Variants in MYH9 observed in about 807,000 individuals in gnomAD.
MYH9 encodes the protein myosin heavy chain 9.
Under a neutral mutation model 241.9 loss-of-function variants are expected in MYH9, and 29 were observed. That is an observed-to-expected ratio of 0.12 (90% CI 0.09 to 0.16). The LOEUF (loss-of-function observed/expected upper bound fraction) is 0.16, where lower values mean the gene tolerates loss of function less well. Among genes scored for constraint, MYH9 ranks in the 10% least tolerant of loss-of-function variants. The pLI is 1.00. For synonymous variants in MYH9, 1,047 were observed against 1,062.6 expected (o/e 0.99, Z 0.29); for missense variants, 1,803 against 2,595.5 (o/e 0.69, Z 6.63).
At chr22:36,315,884 A>T (rs990009645) in intron 12 of MYH9, among the ~76,000 whole-genome samples, 3 of 148,046 alleles carry the variant, frequency 2.0e-5, no homozygotes, top group Non-Finnish European at 4.5e-5. Flanking sequence ...CAAAAAATTT[A>T]AAAATTAGCT....
chr22:36,318,920 T>C (rs530057257), intron 10 of MYH9, among the ~76,000 whole-genome samples: 18 of 152,094 alleles, frequency 1.2e-4, no homozygotes, highest in Admixed American at 3.3e-4. Context: ...CACGCCACCA[T>C]GCCCGGCTAA....
At position 36,330,227 on chromosome 22, in the gene MYH9, G is replaced by C. The variant is rs901791099; in HGVS notation, c.491-2739C>G. ...CCTAACCATACCTTAAAGAAATCTG[G>C]ATTTGTTCTGCCAGGAACATTCATC... On this transcript the variant is annotated intron_variant, in intron 3 of 40. Coordinates refer to ENST00000216181, the MANE Select transcript of MYH9 (RefSeq NM_002473.6). This position sits in a 1 kb window ranked among gnomAD's most constrained non-coding sequence, Gnocchi z 4.5. Among the ~76,000 whole-genome samples the C allele has an allele frequency of 2.0e-5, 3 of 152,206 alleles. No homozygotes were observed. Among genetic ancestry groups the C allele is most frequent in the African/African-American group, 7.2e-5 (3 of 41,456 alleles).
chr22:36,299,454 C>A (rs887139230), intron 23 of MYH9, among the ~76,000 whole-genome samples: 2 of 152,212 alleles, frequency 1.3e-5, no homozygotes, highest in Non-Finnish European at 1.5e-5. Flanking sequence ...CCTCTTCAGC[C>A]CCGCGGTGCC....
intron 13 of MYH9, 62 bp downstream of exon 13, chr22:36,314,083 C>A (rs2017111528): frequency 1.9e-6 from 3 of 1,555,066 alleles, no homozygotes; most frequent in African/African-American, 2.7e-5. Flanking sequence ...AGGTGAGGAG[C>A]GGGTGCCCCG....
At position 36,327,310 on chromosome 22, in the gene MYH9, C is replaced by G. The variant is rs75167295; in HGVS notation, c.518+151G>C. 4.7e-3 allele frequency: 4,017 copies of G among 845,848 alleles called. 22 individuals carry two copies. Among genetic ancestry groups the G allele is most frequent in the Non-Finnish European group, 5.7e-3 (2,899 of 510,966 alleles). The allele number at this position is 845,848 out of a possible 1,614,324, so 52.4% of individuals were successfully genotyped here. ...GACCACTGAGTAGCAAACACACAAA[C>G]TGAAGTCCTATCCCTTGGAGAAGTG... On this transcript the variant is annotated intron_variant, in intron 4 of 40. Coordinates refer to ENST00000216181, the MANE Select transcript of MYH9 (RefSeq NM_002473.6).
chr22:36,341,620 C>G, intron 2 of MYH9, 94 bp from the exon 3 acceptor site: 2 of 1,438,162 alleles, frequency 1.4e-6, no homozygotes, highest in Non-Finnish European at 1.9e-6. Flanking sequence ...CTTCAAAGGA[C>G]CCCTGAGTCA....
chr22:36,337,001 C>A (rs944371978), intron 3 of MYH9, among the ~76,000 whole-genome samples: 1 of 152,260 alleles, frequency 6.6e-6, no homozygotes. Context: ...GTGCCCACGG[C>A]AGACAGCACT....
At chr22:36,308,742 A>G (rs941131394) in intron 15 of MYH9, 12 of 897,440 alleles carry the variant, frequency 1.3e-5, no homozygotes, top group Non-Finnish European at 1.6e-5. Context: ...ACCTAGGCAG[A>G]AGCATTTCTT....
In MYH9 at chr22:36,282,416, C is replaced by G. The variant is rs1319846176; in HGVS notation, c.*252G>C. The G allele has an allele frequency of 4.9e-6, 3 of 611,038 alleles. No individual in the cohort carries two copies. The highest frequency in any genetic ancestry group is 8.8e-6 in the Non-Finnish European group (3 of 340,480). The allele number at this position is 611,038 out of a possible 1,614,324, so 37.9% of individuals were successfully genotyped here. A position where few individuals can be genotyped will look rare whatever the true frequency, so the allele number is the denominator to read the frequency against. ...TGAGGAGCCTGCTGGTCGCTCTCTGCCTGGGCCCGGGCCCTGTCTCTTTGG... is the reference window on the plus strand; with the variant it reads ...TGAGGAGCCTGCTGGTCGCTCTCTGGCTGGGCCCGGGCCCTGTCTCTTTGG... On this transcript the variant is annotated 3_prime_UTR_variant, in exon 41 of 41. Coordinates refer to ENST00000216181, the MANE Select transcript of MYH9 (RefSeq NM_002473.6).
In MYH9 at chr22:36,349,268, G is replaced by A. The variant is rs758656636; in HGVS notation, c.-19-13C>T. The A allele has an allele frequency of 3.8e-6, 6 of 1,598,348 alleles. No individual in the cohort carries two copies. The highest frequency in any genetic ancestry group is 3.4e-6 in the Non-Finnish European group (4 of 1,167,228). On this transcript the variant is annotated splice_polypyrimidine_tract_variant and intron_variant, in intron 1 of 40. Transcript: ENST00000216181. ...TTATAGCCAGGACCTAAGCGGGGAGGAGAAGGACAACACATTACATACAAC... is the reference window on the plus strand; with the variant it reads ...TTATAGCCAGGACCTAAGCGGGGAGAAGAAGGACAACACATTACATACAAC...
Position 36,316,655 on chromosome 22 carries a change from G to C in MYH9, c.1242C>G (p.Ile414Met), listed in dbSNP as rs138436678. ...CATAGGTCGCCTTGGCCAAGGCCTC[G>C]ATGGCAAAGTCAGCCTGCGGGGCAC... is the stretch of plus-strand genomic sequence containing the variant. ...AQTKEQADFA[I>M]EALAKATYER... The change falls in exon 12 of 41, where the codon ATC (isoleucine) becomes ATG (methionine). Residue 414 changes from isoleucine to methionine, a missense_variant. Physicochemically the swap from Ile to Met is conservative, Grantham distance 10. This residue lies in a region of MYH9 where 222 missense variants were observed against 359.9 expected (regional missense o/e 0.62). Coordinates refer to ENST00000216181, the MANE Select transcript of MYH9 (RefSeq NM_002473.6). The C allele has an allele frequency of 1.5e-5, 24 of 1,613,938 alleles. No homozygotes were observed. Among genetic ancestry groups the C allele is most frequent in the South Asian group, 9.9e-5 (9 of 91,082 alleles).
chr22:36,387,031 G>A (rs2018362994), intron 1 of MYH9, among the ~76,000 whole-genome samples: 1 of 152,358 alleles, frequency 6.6e-6, no homozygotes, highest in African/African-American at 2.4e-5. Flanking sequence ...CCCGACGGCT[G>A]CTGCATTCCG....
intron 3 of MYH9, among the ~76,000 whole-genome samples, chr22:36,338,002 T>C (rs939188794): frequency 6.6e-6 from 1 of 152,036 alleles, no homozygotes; most frequent in African/African-American, 2.4e-5. Context: ...CTTTTCTTTT[T>C]TTTTTTTTTA....
rs374969043 is a variant in MYH9, at chr22:36,300,104, C to G, written c.2976+23G>C. On this transcript the variant is annotated intron_variant, in intron 23 of 40. Coordinates refer to ENST00000216181, the MANE Select transcript of MYH9 (RefSeq NM_002473.6). This position sits in a 1 kb window ranked among gnomAD's most constrained non-coding sequence, Gnocchi z 5.0. The stretch of plus-strand genomic sequence containing the variant: ...ATCCACGGCGCCCCTGGAGCAGCGG[C>G]AGGCGACAGCCACGGGCCTCACCTT... 5.6e-6 allele frequency: 9 copies of G among 1,607,802 alleles called. No homozygotes were observed. Among genetic ancestry groups the G allele is most frequent in the African/African-American group, 1.3e-5 (1 of 74,934 alleles).
At chr22:36,307,606 G>A (rs1164700839) in intron 15 of MYH9, among the ~76,000 whole-genome samples, 2 of 152,220 alleles carry the variant, frequency 1.3e-5, no homozygotes, top group African/African-American at 4.8e-5. Flanking sequence ...AATGGGAGGT[G>A]GCTGGGCATG....
chr22:36,286,585 G>T, intron 35 of MYH9, 133 bp downstream of exon 35: 2 of 1,282,762 alleles, frequency 1.6e-6, no homozygotes, highest in East Asian at 2.3e-5. Flanking sequence ...GAATCCTTAT[G>T]TAACCTGAGA....
chr22:36,387,644 G>A (rs1336315048), intron 1 of MYH9, among the ~76,000 whole-genome samples, 163 bp downstream of exon 1: 1 of 151,494 alleles, frequency 6.6e-6, no homozygotes, highest in African/African-American at 2.4e-5. Flanking sequence ...CCCCTGGGAA[G>A]GATGCGGTGC....
intron 3 of MYH9, 127 bp from the exon 4 acceptor site, chr22:36,327,615 C>T (rs942246225): frequency 5.4e-6 from 6 of 1,107,732 alleles, no homozygotes; most frequent in South Asian, 2.6e-5. Flanking sequence ...GTGGGGATCT[C>T]GCAGTCTACC....
chr22:36,326,578 T>C lies in MYH9; in HGVS notation c.602A>G (p.Lys201Arg). ...GGCTGCAGCACTCACCTGGTCCTTC[T>C]TGCTCTTGTGCGAGGACGCCACGTA... ...LAYVASSHKS[K>R]KDQGELERQL... The change falls in exon 5 of 41, where the codon AAG becomes AGG. Residue 201 changes from lysine (K) to arginine (R), a missense_variant. Around this residue, in one of 11 missense-constraint regions of MYH9, gnomAD observed 222 missense variants for 359.9 expected, o/e 0.62. Coordinates refer to ENST00000216181, the MANE Select transcript of MYH9 (RefSeq NM_002473.6). 2 of 1,614,190 alleles carry C rather than the reference T, an allele frequency of 1.2e-6. No homozygotes were observed. The highest frequency in any genetic ancestry group is 1.7e-6 in the Non-Finnish European group (2 of 1,180,010).
Sources: allele counts gnomAD v4.1 joint callset (sites outside exome capture counted in the v4.1 genomes callset), GRCh38; gene constraint gnomAD v4.1.1; regional missense constraint gnomAD v4.1.1; non-coding constraint Gnocchi (gnomAD v3.1); transcripts MANE v1.5; gene names NCBI Gene and HGNC (gene_info 2026-07-23, HGNC 2026-07-21).